Variants in PEBP4 observed in about 807,000 individuals in gnomAD.
PEBP4 encodes phosphatidylethanolamine binding protein 4, also known as phosphatidylethanolamine-binding protein 4.
Under a neutral mutation model 23.9 loss-of-function variants are expected in PEBP4, and 22 were observed. That is an observed-to-expected ratio of 0.92 (90% confidence interval 0.66 to 1.31). The LOEUF is 1.31. Among genes scored for constraint, PEBP4 ranks in the 40% most tolerant of loss-of-function variants. PEBP4 has a pLI of 0.00. For synonymous variants in PEBP4, 112 were observed against 99.3 expected (o/e 1.13, Z -0.76); for missense variants, 324 against 281.7 (o/e 1.15, Z -1.07).
chr8:22,767,095 C>T (rs1355343803), intron 4 of PEBP4, among the ~76,000 whole-genome samples: 1 of 152,240 alleles, frequency 6.6e-6, no homozygotes, highest in African/African-American at 2.4e-5. Context: ...CTAACAGATT[C>T]TCCCTTCTCA....
chr8:22,721,018 G>A (rs1052487894), intron 6 of PEBP4, among the ~76,000 whole-genome samples: 2 of 152,142 alleles, frequency 1.3e-5, no homozygotes, highest in Non-Finnish European at 1.5e-5. Context: ...TAGGAGGAGT[G>A]GGGTGGCACG....
intron 3 of PEBP4, among the ~76,000 whole-genome samples, chr8:22,824,717 C>A (rs1005261507): frequency 3.1e-4 from 47 of 152,060 alleles, no homozygotes; most frequent in African/African-American, 1.1e-3. Context: ...TCATAAGGAG[C>A]GTTGCAACCT....
chr8:22,776,523 CT>C (rs1805817946), intron 4 of PEBP4, among the ~76,000 whole-genome samples: 1 of 151,962 alleles, frequency 6.6e-6, no homozygotes, highest in Admixed American at 6.6e-5. Context: ...AACCACTGGT[CT>C]TTCGTTCCGG....
At chr8:22,924,572 T>G in intron 2 of PEBP4, 1 of 752,842 alleles carries the variant, frequency 1.3e-6, no homozygotes, top group Non-Finnish European at 1.6e-6. Context: ...GTAGGGTTGG[T>G]GTTCAAGAAG....
At chr8:22,892,074 G>GAA (rs772606463) in intron 3 of PEBP4, among the ~76,000 whole-genome samples, 1 of 132,164 alleles carries the variant, frequency 7.6e-6, no homozygotes, top group Non-Finnish European at 1.6e-5. Flanking sequence ...CTCCGTCTCA[G>GAA]AAAAAAAAAA....
intron 4 of PEBP4, among the ~76,000 whole-genome samples, chr8:22,790,938 G>C (rs1585274032): frequency 6.6e-6 from 1 of 152,104 alleles, no homozygotes; most frequent in African/African-American, 2.4e-5. Context: ...TGAGTAACTG[G>C]GACACACGAT....
At chr8:22,774,807 G>A (rs867245947) in intron 4 of PEBP4, among the ~76,000 whole-genome samples, 3 of 152,150 alleles carry the variant, frequency 2.0e-5, no homozygotes, top group South Asian at 4.1e-4. Context: ...GTCTGTCAGC[G>A]CCTCTGACTC....
intron 4 of PEBP4, among the ~76,000 whole-genome samples, chr8:22,795,143 GTATATA>G (rs1206085493): frequency 8.0e-5 from 4 of 49,926 alleles, no homozygotes; most frequent in East Asian, 8.8e-4. Flanking sequence ...ATGTGTGTGT[GTATATA>G]TATATATATA....
chr8:22,922,030 A>C (rs778505631), intron 2 of PEBP4, among the ~76,000 whole-genome samples: 1 of 152,246 alleles, frequency 6.6e-6, no homozygotes, highest in Non-Finnish European at 1.5e-5. Context: ...GTAAATATCA[A>C]AAGGATTAAA....
intron 3 of PEBP4, among the ~76,000 whole-genome samples, chr8:22,904,950 T>A (rs1235494807): frequency 2.0e-5 from 3 of 152,212 alleles, no homozygotes; most frequent in African/African-American, 7.2e-5. Context: ...TCCTTTTACA[T>A]AAATTTTTAT....
chr8:22,916,193 G>A (rs1473650793), intron 3 of PEBP4, among the ~76,000 whole-genome samples: 2 of 152,152 alleles, frequency 1.3e-5, no homozygotes, highest in Non-Finnish European at 2.9e-5. Flanking sequence ...CCACTTAAAG[G>A]CAATTTCTGC....
At chr8:22,774,677 C>T (rs1223314601) in intron 4 of PEBP4, among the ~76,000 whole-genome samples, 8 of 152,144 alleles carry the variant, frequency 5.3e-5, no homozygotes, top group East Asian at 3.9e-4. Flanking sequence ...CATGAGGCTT[C>T]GGGGACTCTC....
chr8:22,870,106 C>T (rs1807979717), intron 3 of PEBP4, among the ~76,000 whole-genome samples: 1 of 152,192 alleles, frequency 6.6e-6, no homozygotes, highest in Non-Finnish European at 1.5e-5. Context: ...AAAACCTGCA[C>T]CAGCCAGCCT....
At chr8:22,781,429 G>T (rs1180478220) in intron 4 of PEBP4, among the ~76,000 whole-genome samples, 1 of 152,180 alleles carries the variant, frequency 6.6e-6, no homozygotes, top group Non-Finnish European at 1.5e-5. Context: ...CATAACCAGG[G>T]CTGCTTAGTC....
chr8:22,759,770 G>A (rs978598024), intron 4 of PEBP4, among the ~76,000 whole-genome samples: 5 of 152,152 alleles, frequency 3.3e-5, no homozygotes, highest in South Asian at 4.1e-4. Context: ...GCTCCCTTCC[G>A]CGTACCCGTG....
intron 5 of PEBP4, 149 bp downstream of exon 5, chr8:22,727,025 TA>T: frequency 1.2e-6 from 1 of 803,442 alleles, no homozygotes; most frequent in Non-Finnish European, 2.1e-6. Context: ...GCAGTGACCA[TA>T]AAAGGCAGTT....
chr8:22,748,200 C>T (rs977161175), intron 4 of PEBP4, among the ~76,000 whole-genome samples: 2 of 152,154 alleles, frequency 1.3e-5, no homozygotes, highest in African/African-American at 2.4e-5. Flanking sequence ...GGGAGCCCTT[C>T]TCCAAGAGGG....
intron 4 of PEBP4, among the ~76,000 whole-genome samples, chr8:22,803,296 C>T (rs367870307): frequency 6.6e-6 from 1 of 152,168 alleles, no homozygotes; most frequent in African/African-American, 2.4e-5. Context: ...ATATCACGTT[C>T]GTATCCCACA....
chr8:22,780,368 C>G (rs1281798761), intron 4 of PEBP4, among the ~76,000 whole-genome samples: 7 of 152,254 alleles, frequency 4.6e-5, no homozygotes, highest in South Asian at 4.1e-4. Flanking sequence ...TCGACCTTTT[C>G]AATAGCTTTC....
Sources: allele counts gnomAD v4.1 joint callset (sites outside exome capture counted in the v4.1 genomes callset), GRCh38; gene constraint gnomAD v4.1.1; transcripts MANE v1.5; gene names NCBI Gene and HGNC (gene_info 2026-07-23, HGNC 2026-07-21).